The following NDEL1 variants were observed in gnomAD, a reference collection of about 807,000 sequenced individuals.
The protein encoded by NDEL1 is nudE neurodevelopment protein 1 like 1.
NDEL1 carries 9 observed loss-of-function variants against 45.7 expected under a neutral mutation model. The observed-to-expected ratio is 0.20, with a 90% CI of 0.12 to 0.34. The LOEUF (loss-of-function observed/expected upper bound fraction) is 0.34. Ranked by LOEUF, NDEL1 falls within the 10% of genes least tolerant of loss-of-function variation. NDEL1 has a pLI of 1.00. For missense variants in NDEL1, 306 were observed against 406.2 expected (o/e 0.75, Z 2.12); for synonymous variants, 133 against 158.6 (o/e 0.84, Z 1.21).
upstream of NDEL1, among the ~76,000 whole-genome samples, chr17:8,435,145 A>G (rs1218076648): frequency 2.0e-5 from 3 of 152,194 alleles, no homozygotes; most frequent in Non-Finnish European, 4.4e-5. Context: ...ATAGGACTCC[A>G]TTTCTTGGGG....
At chr17:8,448,258 G>T (rs1910224622) in intron 4 of NDEL1, among the ~76,000 whole-genome samples, 1 of 152,180 alleles carries the variant, frequency 6.6e-6, no homozygotes, top group Non-Finnish European at 1.5e-5. Context: ...GTGTAAACTT[G>T]ATTGTATTGT....
chr17:8,438,945 T>C (rs1909537837), intron 1 of NDEL1, among the ~76,000 whole-genome samples: 2 of 104,550 alleles, frequency 1.9e-5, no homozygotes, highest in Non-Finnish European at 2.0e-5. Flanking sequence ...TGTTCTTTTT[T>C]TTTTTTTTTG....
intron 6 of NDEL1, among the ~76,000 whole-genome samples, chr17:8,452,264 G>C (rs75584231): frequency 7.0e-4 from 106 of 152,338 alleles, no homozygotes; most frequent in African/African-American, 2.3e-3. Flanking sequence ...GAATTATGCA[G>C]ATCTGAAAAT....
chr17:8,460,612 G>T (rs992735515), intron 8 of NDEL1, among the ~76,000 whole-genome samples: 1 of 152,202 alleles, frequency 6.6e-6, no homozygotes, highest in African/African-American at 2.4e-5. Flanking sequence ...CAGTTTAGGA[G>T]ATACAACTTT....
At chr17:8,428,927 C>A (rs1190193823) in intron 1 of NDEL1, among the ~76,000 whole-genome samples, 2 of 152,182 alleles carry the variant, frequency 1.3e-5, no homozygotes, top group Admixed American at 6.5e-5. Context: ...CCTGCCTTGG[C>A]CTCCCAAAGT....
chr17:8,439,777 A>T (rs1040099802), intron 1 of NDEL1, among the ~76,000 whole-genome samples: 1 of 152,182 alleles, frequency 6.6e-6, no homozygotes, highest in Admixed American at 6.5e-5. Flanking sequence ...TAATAGCTTG[A>T]TGAACATTTA....
intron 1 of NDEL1, among the ~76,000 whole-genome samples, chr17:8,415,272 G>C (rs957924143): frequency 6.9e-6 from 1 of 144,634 alleles, no homozygotes; most frequent in Admixed American, 6.9e-5. Context: ...TTGAATTCCC[G>C]GGCTTAAGCC....
At chr17:8,416,099 T>C (rs1280880136) in intron 1 of NDEL1, among the ~76,000 whole-genome samples, 1 of 152,138 alleles carries the variant, frequency 6.6e-6, no homozygotes, top group Non-Finnish European at 1.5e-5. Context: ...ACGTTCACAT[T>C]GTTGTGCTTA....
chr17:8,456,070 C>A (rs1205492706), intron 7 of NDEL1, among the ~76,000 whole-genome samples: 3 of 152,194 alleles, frequency 2.0e-5, no homozygotes, highest in South Asian at 2.1e-4. Flanking sequence ...CTATCTACTA[C>A]CCCCTTCACT....
intron 1 of NDEL1, among the ~76,000 whole-genome samples, chr17:8,438,040 C>T (rs1189603633): frequency 6.6e-6 from 1 of 152,124 alleles, no homozygotes; most frequent in Non-Finnish European, 1.5e-5. Context: ...CTCACTGCAA[C>T]CTCCACCTCC....
At chr17:8,442,382 G>A (rs1909793878) in intron 1 of NDEL1, among the ~76,000 whole-genome samples, 1 of 152,004 alleles carries the variant, frequency 6.6e-6, no homozygotes, top group African/African-American at 2.4e-5. Context: ...AGTCAAGAGG[G>A]AATATTGAAA....
chr17:8,415,559 C>T (rs865986532), intron 1 of NDEL1, among the ~76,000 whole-genome samples: 1 of 151,584 alleles, frequency 6.6e-6, no homozygotes, highest in African/African-American at 2.4e-5. Context: ...GCTCAGCCTC[C>T]TGAGTAGCTG....
chr17:8,463,523 C>T (rs553406319), intron 8 of NDEL1, among the ~76,000 whole-genome samples: 33 of 152,172 alleles, frequency 2.2e-4, no homozygotes, highest in Non-Finnish European at 3.7e-4. Context: ...GACTGTATGC[C>T]GTTATTAGTT....
chr17:8,426,216 C>T (rs1419271647), intron 1 of NDEL1, among the ~76,000 whole-genome samples: 1 of 152,202 alleles, frequency 6.6e-6, no homozygotes, highest in East Asian at 1.9e-4. Flanking sequence ...TAGAACAGGG[C>T]CAGGCCCTCA....
intron 1 of NDEL1, chr17:8,443,917 C>G (rs374147342): frequency 1.2e-5 from 2 of 170,722 alleles, no homozygotes; most frequent in African/African-American, 4.7e-5. Context: ...TTCTGTCTCC[C>G]GATTCGCAGA....
chr17:8,469,615 T>A (rs979878018), downstream of NDEL1, among the ~76,000 whole-genome samples: 1 of 152,138 alleles, frequency 6.6e-6, no homozygotes, highest in African/African-American at 2.4e-5. Context: ...TCTGATCCCT[T>A]TGGGAAGAGA....
chr17:8,439,819 G>A (rs920666764), intron 1 of NDEL1, among the ~76,000 whole-genome samples: 6 of 152,154 alleles, frequency 3.9e-5, no homozygotes, highest in African/African-American at 1.4e-4. Flanking sequence ...TCTGTCCTAA[G>A]TACTTTACAA....
intron 8 of NDEL1, chr17:8,463,133 A>T: frequency 2.0e-6 from 1 of 489,390 alleles, no homozygotes; most frequent in Non-Finnish European, 3.7e-6. Flanking sequence ...GGTCGCTTGG[A>T]GTCTCTCAAA....
At chr17:8,463,137 T>C (rs1364896111) in intron 8 of NDEL1, 1 of 502,950 alleles carries the variant, frequency 2.0e-6, no homozygotes, top group Non-Finnish European at 3.6e-6. Flanking sequence ...GCTTGGAGTC[T>C]CTCAAAAACA....
Sources: allele counts gnomAD v4.1 joint callset (sites outside exome capture counted in the v4.1 genomes callset), GRCh38; gene constraint gnomAD v4.1.1; transcripts MANE v1.5; gene names NCBI Gene and HGNC (gene_info 2026-07-23, HGNC 2026-07-21).